NOL4: variants seen among roughly 807,000 people sequenced by gnomAD.
The protein encoded by NOL4 is nucleolar protein 4, also known as cancer/testis antigen 125.
NOL4 carries 17 observed loss-of-function variants against 75.9 expected under a neutral mutation model. That is an observed-to-expected ratio of 0.22 (90% CI 0.15 to 0.34). The LOEUF is 0.34. NOL4 is among the 10% of genes least tolerant of loss of function. The pLI is 1.00. For missense variants in NOL4, 614 were observed against 793.5 expected (o/e 0.77, Z 2.72); for synonymous variants, 292 against 289.9 (o/e 1.01, Z -0.07).
At chr18:34,150,639 C>T (rs2081601608) in intron 1 of NOL4, among the ~76,000 whole-genome samples, 1 of 151,500 alleles carries the variant, frequency 6.6e-6, no homozygotes, top group South Asian at 2.1e-4. Flanking sequence ...AACTTTTGTC[C>T]TAGAAGATAA....
Position 33,882,738 on chromosome 18 carries a change from T to C in NOL4, c.1723+506A>G, listed in dbSNP as rs994842007. ...CCCAAAGGACTATAAATCATGCTGCTATAAAGACACATGCACACGTATGTT... is the reference window on the plus strand; with the variant it reads ...CCCAAAGGACTATAAATCATGCTGCCATAAAGACACATGCACACGTATGTT... On this transcript the variant is annotated intron_variant, in intron 10 of 10. Transcript: ENST00000261592. Among the ~76,000 whole-genome samples the C allele has an allele frequency of 4.1e-3, 619 of 152,162 alleles. 7 individuals carry two copies. Among genetic ancestry groups the C allele is most frequent in the Non-Finnish European group, 5.0e-3 (338 of 68,032 alleles).
intron 6 of NOL4, among the ~76,000 whole-genome samples, chr18:33,995,269 T>C (rs2073193829): frequency 1.3e-5 from 2 of 151,534 alleles, no homozygotes; most frequent in African/African-American, 2.4e-5. Flanking sequence ...GAATTGAATA[T>C]TACTCTGATA....
At chr18:33,957,174 A>T (rs1286283074) in intron 8 of NOL4, 152 bp downstream of exon 8, 2 of 563,234 alleles carry the variant, frequency 3.6e-6, no homozygotes, top group Non-Finnish European at 6.1e-6. Context: ...GAAAAGGAGA[A>T]GGGGAAAAAA....
intron 5 of NOL4, among the ~76,000 whole-genome samples, chr18:34,077,506 T>C (rs1383406586): frequency 6.6e-6 from 1 of 152,100 alleles, no homozygotes; most frequent in Non-Finnish European, 1.5e-5. Flanking sequence ...TGTATATATA[T>C]GTATACATAT....
chr18:33,884,954 CT>C (rs951676078), intron 9 of NOL4, among the ~76,000 whole-genome samples: 1 of 152,044 alleles, frequency 6.6e-6, no homozygotes, highest in Non-Finnish European at 1.5e-5. Flanking sequence ...CCATTCAACT[CT>C]GACCATTATA....
intron 1 of NOL4, among the ~76,000 whole-genome samples, chr18:34,180,202 A>G (rs939654221): frequency 1.8e-4 from 27 of 151,552 alleles, no homozygotes; most frequent in African/African-American, 6.5e-4. Context: ...AAATTACAGA[A>G]CAATATCCTT....
intron 9 of NOL4, among the ~76,000 whole-genome samples, chr18:33,913,605 G>A (rs553386372): frequency 1.6e-4 from 25 of 152,146 alleles, no homozygotes; most frequent in African/African-American, 6.0e-4. Context: ...AAGGTTTAAC[G>A]ACTTATGTTG....
intron 5 of NOL4, among the ~76,000 whole-genome samples, chr18:34,035,254 TATATCAA>T (rs2075833328): frequency 6.6e-6 from 1 of 152,188 alleles, no homozygotes; most frequent in Non-Finnish European, 1.5e-5. Context: ...GATTAAAAAT[TATATCAA>T]GTATTTCTCA....
intron 5 of NOL4, among the ~76,000 whole-genome samples, chr18:34,031,814 G>C (rs1025250183): frequency 1.3e-5 from 2 of 152,154 alleles, no homozygotes; most frequent in South Asian, 2.1e-4. Context: ...TTCCAACATG[G>C]AGTGTGGCAA....
At chr18:34,056,774 G>A (rs999685418) in intron 5 of NOL4, among the ~76,000 whole-genome samples, 1 of 152,130 alleles carries the variant, frequency 6.6e-6, no homozygotes, top group Non-Finnish European at 1.5e-5. Flanking sequence ...TGGTCTGGGT[G>A]CCGCTACTTC....
chr18:34,210,642 G>A (rs1435681394), intron 1 of NOL4, among the ~76,000 whole-genome samples: 1 of 152,282 alleles, frequency 6.6e-6, no homozygotes, highest in Non-Finnish European at 1.5e-5. Context: ...CACTAGTGAA[G>A]CTCTATTAAA....
At chr18:33,926,504 T>C (rs1286257390) in intron 9 of NOL4, among the ~76,000 whole-genome samples, 1 of 152,162 alleles carries the variant, frequency 6.6e-6, no homozygotes, top group South Asian at 2.1e-4. Flanking sequence ...ATGCTACATA[T>C]GTAGCAAAGA....
intron 9 of NOL4, among the ~76,000 whole-genome samples, chr18:33,886,063 G>C (rs974754856): frequency 3.9e-5 from 6 of 151,924 alleles, no homozygotes; most frequent in African/African-American, 4.8e-5. Context: ...TCATAAACCA[G>C]GCCAAGTAAG....
intron 1 of NOL4, among the ~76,000 whole-genome samples, chr18:34,206,028 T>C (rs2036099306): frequency 6.6e-6 from 1 of 152,220 alleles, no homozygotes; most frequent in African/African-American, 2.4e-5. Flanking sequence ...CACATTTTGA[T>C]ATGCTACATT....
intron 5 of NOL4, among the ~76,000 whole-genome samples, chr18:34,060,090 G>A (rs1215172311): frequency 6.6e-6 from 1 of 152,048 alleles, no homozygotes; most frequent in African/African-American, 2.4e-5. Context: ...ATACTAAAGT[G>A]GTTATTGTTT....
chr18:34,222,270 T>C, intron 1 of NOL4: 1 of 1,347,448 alleles, frequency 7.4e-7, no homozygotes, highest in Non-Finnish European at 9.5e-7. Context: ...CGATAGCGCC[T>C]AAACCCATCT....
chr18:33,958,972 T>C (rs1314153384), intron 6 of NOL4, among the ~76,000 whole-genome samples: 2 of 152,166 alleles, frequency 1.3e-5, no homozygotes, highest in African/African-American at 2.4e-5. Context: ...CTATTAGTTA[T>C]TAGTTAACAT....
intron 9 of NOL4, among the ~76,000 whole-genome samples, chr18:33,927,700 G>T (rs931634414): frequency 7.2e-5 from 11 of 152,224 alleles, no homozygotes; most frequent in East Asian, 3.9e-4. Flanking sequence ...ATTTTGGAAA[G>T]ATTTTAACTA....
At chr18:34,067,283 G>A (rs2077319899) in intron 5 of NOL4, among the ~76,000 whole-genome samples, 1 of 152,164 alleles carries the variant, frequency 6.6e-6, no homozygotes, top group Non-Finnish European at 1.5e-5. Flanking sequence ...AAAGAACTCT[G>A]AAGTCAGTGT....
Sources: gnomAD v4.1 joint callset for allele counts (sites outside exome capture counted in the v4.1 genomes callset) on GRCh38, gnomAD v4.1.1 for gene constraint, MANE v1.5 for transcripts, NCBI Gene and HGNC (gene_info 2026-07-23, HGNC 2026-07-21) for gene names.